Variants in VPS8 observed in about 807,000 individuals in gnomAD.
The protein encoded by VPS8 is VPS8 subunit of CORVET complex.
Under a neutral mutation model 216.4 loss-of-function variants are expected in VPS8, and 129 were observed. The observed-to-expected ratio is 0.60, with a 90% CI of 0.52 to 0.69. The LOEUF is 0.69. Among genes scored for constraint, VPS8 ranks in the 30% least tolerant of loss-of-function variants. The pLI, the probability that VPS8 is intolerant of heterozygous loss-of-function variation, is 0.00. For missense variants in VPS8, 1,531 were observed against 1,683.5 expected (o/e 0.91, Z 1.59); for synonymous variants, 571 against 565.4 (o/e 1.01, Z -0.14).
intron 46 of VPS8, among the ~76,000 whole-genome samples, chr3:185,026,086 G>A (rs946402638): frequency 4.6e-5 from 7 of 152,092 alleles, no homozygotes; most frequent in African/African-American, 1.7e-4. Context: ...CATGCTGCTT[G>A]TATAATATTG....
intron 11 of VPS8, 29 bp downstream of exon 11, chr3:184,852,596 A>C: frequency 1.3e-6 from 2 of 1,599,802 alleles, no homozygotes; most frequent in Non-Finnish European, 1.7e-6. Context: ...TTTGTTGACA[A>C]ATGAAAAGAC....
chr3:184,957,105 T>C (rs1329737958), intron 36 of VPS8, among the ~76,000 whole-genome samples: 1 of 152,202 alleles, frequency 6.6e-6, no homozygotes, highest in Non-Finnish European at 1.5e-5. Flanking sequence ...AACACAACTT[T>C]TGGTATGATT....
intron 22 of VPS8, among the ~76,000 whole-genome samples, chr3:184,891,562 T>G (rs962143362): frequency 1.3e-5 from 2 of 152,206 alleles, no homozygotes; most frequent in Non-Finnish European, 2.9e-5. Flanking sequence ...ATTCACCCTT[T>G]TAAAGTATAC....
intron 21 of VPS8, among the ~76,000 whole-genome samples, chr3:184,881,572 T>G (rs1046263109): frequency 1.3e-5 from 2 of 152,110 alleles, no homozygotes; most frequent in Non-Finnish European, 2.9e-5. Context: ...AGTCTTGAAA[T>G]TGGGTAGACC....
In VPS8 at chr3:184,926,685, A is replaced by G. The variant is rs763622804; in HGVS notation, c.2631+35A>G. ...ACTAGAACTCTTTTTGCTAAAAAAT[A>G]GGAAAGAAGAGTAAGCCAGAAAGAA... On this transcript the variant is annotated intron_variant, in intron 31 of 47. Coordinates refer to ENST00000625842, the MANE Select transcript of VPS8 (RefSeq NM_001009921.3). 4 of 1,559,624 alleles carry G rather than the reference A, an allele frequency of 2.6e-6. No homozygotes were observed. In the African/African-American group the frequency reaches 5.5e-5, roughly 21 times the overall value.
At chr3:184,955,590 C>G (rs568437349) in intron 36 of VPS8, among the ~76,000 whole-genome samples, 3 of 152,138 alleles carry the variant, frequency 2.0e-5, no homozygotes, top group Non-Finnish European at 1.5e-5. Flanking sequence ...CCGGGCCCAG[C>G]TATTGTCTCT....
Position 184,983,054 on chromosome 3 carries a change from C to T in VPS8, c.3545C>T (p.Ala1182Val), listed in dbSNP as rs1395444901. The T allele has an allele frequency of 1.2e-6, 2 of 1,610,060 alleles. No homozygotes were observed. Among genetic ancestry groups the T allele is most frequent in the Non-Finnish European group, 1.7e-6 (2 of 1,177,792 alleles). The change falls in exon 42 of 48, where the codon GCA becomes GTA. Residue 1182 changes from alanine to valine, a missense_variant. By Grantham distance (64) the Ala-to-Val change is moderately conservative. Coordinates refer to ENST00000625842, the MANE Select transcript of VPS8 (RefSeq NM_001009921.3). ...ATGCAAGTTTTAAATAGCATGGCAG[C>T]ATTTATTGCCCTTCCATCAATCTTG... ...LTMQVLNSMAAFIALPSILQR... is the reference protein window; with the variant it reads ...LTMQVLNSMAVFIALPSILQR...
intron 29 of VPS8, 149 bp from the exon 30 acceptor site, chr3:184,924,713 A>G: frequency 9.7e-7 from 1 of 1,033,480 alleles, no homozygotes; most frequent in Non-Finnish European, 1.4e-6. Context: ...CTTATTCTAA[A>G]TGGCGTTGAA....
At chr3:184,984,242 A>G (rs1315317232) in intron 42 of VPS8, among the ~76,000 whole-genome samples, 1 of 147,758 alleles carries the variant, frequency 6.8e-6, no homozygotes, top group Non-Finnish European at 1.5e-5. Context: ...TCTGATAAAG[A>G]TGACTACATC....
intron 21 of VPS8, among the ~76,000 whole-genome samples, chr3:184,875,056 C>CTTTTTTTT (rs5855044): frequency 4.0e-5 from 4 of 100,290 alleles, no homozygotes; most frequent in Admixed American, 1.1e-4. Flanking sequence ...GTTTTTAAAA[C>CTTTTTTTT]TTTTTTTTTT....
chr3:185,002,173 T>A (rs1343267568), intron 45 of VPS8, among the ~76,000 whole-genome samples: 1 of 152,248 alleles, frequency 6.6e-6, no homozygotes, highest in Non-Finnish European at 1.5e-5. Context: ...CCAATACTTA[T>A]GGCATTATAT....
Position 184,862,877 on chromosome 3 carries a change from G to GT in VPS8, c.1225-18dup. The GT allele has an allele frequency of 2.5e-6, 4 of 1,602,852 alleles. No individual in the cohort carries two copies. Among genetic ancestry groups the GT allele is most frequent in the Non-Finnish European group, 3.4e-6 (4 of 1,172,734 alleles). On this transcript the variant is annotated intron_variant, in intron 15 of 47. Coordinates refer to ENST00000625842, the MANE Select transcript of VPS8 (RefSeq NM_001009921.3). Reference sequence around the variant, plus strand: ...GCGGGTGTGGTCTCACTTTTGTTTTGTTGTGTGCTTGAATTACAGTGGATA... The same window carrying GT: ...GCGGGTGTGGTCTCACTTTTGTTTTGTTTGTGTGCTTGAATTACAGTGGATA...
chr3:184,957,416 T>G lies in VPS8; in HGVS notation c.3078T>G (p.Pro1026=). The change falls in exon 37 of 48, where the codon CCT becomes CCG. Residue 1026 remains proline, a synonymous_variant. Transcript: ENST00000625842. ...ATCAAGAATTACTGCAAATATCTCCTTGTATCACAGAGCAGTTCATTGAGC... is the reference window on the plus strand; with the variant it reads ...ATCAAGAATTACTGCAAATATCTCCGTGTATCACAGAGCAGTTCATTGAGC... The part of the protein sequence containing the change: ...HVNQELLQIS[P]CITEQFIELL... 1 of 1,612,034 alleles carries G rather than the reference T, an allele frequency of 6.2e-7. No homozygotes were observed. The highest frequency in any genetic ancestry group is 1.1e-5 in the South Asian group (1 of 90,646).
At chr3:185,034,932 C>A (rs552486899) in intron 46 of VPS8, among the ~76,000 whole-genome samples, 2 of 152,166 alleles carry the variant, frequency 1.3e-5, no homozygotes, top group African/African-American at 4.8e-5. Context: ...ACCGATCCCA[C>A]AGAAATAGAA....
At chr3:184,885,063 A>G (rs1443635727) in intron 21 of VPS8, among the ~76,000 whole-genome samples, 1 of 152,198 alleles carries the variant, frequency 6.6e-6, no homozygotes, top group Non-Finnish European at 1.5e-5. Flanking sequence ...GTAGTCATGA[A>G]TAATATTCAT....
intron 46 of VPS8, among the ~76,000 whole-genome samples, chr3:185,027,484 C>T (rs1439668289): frequency 2.0e-5 from 3 of 151,892 alleles, no homozygotes; most frequent in Non-Finnish European, 2.9e-5. Flanking sequence ...CCTCGTGATC[C>T]GCCTGTCTCA....
intron 14 of VPS8, among the ~76,000 whole-genome samples, chr3:184,856,201 A>T (rs1439889249): frequency 2.6e-5 from 4 of 152,238 alleles, no homozygotes; most frequent in African/African-American, 9.6e-5. Flanking sequence ...GGAAAGAAGG[A>T]AGTATACAAC....
chr3:185,024,245 T>C, intron 45 of VPS8, 91 bp from the exon 46 acceptor site: 1 of 1,165,230 alleles, frequency 8.6e-7, no homozygotes, highest in East Asian at 2.6e-5. Flanking sequence ...ATCTTAGTTA[T>C]ACCAATTCTA....
chr3:184,839,306 C>T (rs760225931), intron 6 of VPS8: 23 of 193,260 alleles, frequency 1.2e-4, no homozygotes, highest in African/African-American at 1.7e-4. Flanking sequence ...TAGGCCCCTG[C>T]GGATAAACTA....
Sources: gnomAD v4.1 joint callset for allele counts (sites outside exome capture counted in the v4.1 genomes callset) on GRCh38, gnomAD v4.1.1 for gene constraint, MANE v1.5 for transcripts, NCBI Gene and HGNC (gene_info 2026-07-23, HGNC 2026-07-21) for gene names.